The following C4orf51 variants were observed in gnomAD, a reference collection of about 807,000 sequenced individuals.
The protein encoded by C4orf51 is uncharacterized protein C4orf51.
C4orf51 carries 25 observed loss-of-function variants against 25.2 expected under a neutral mutation model. The ratio of observed to expected loss-of-function variants is 0.99; its 90% CI spans 0.72 to 1.39. The LOEUF (loss-of-function observed/expected upper bound fraction) is 1.39, where lower values mean the gene tolerates loss of function less well. C4orf51 is among the 40% of genes most tolerant of loss of function. The pLI is 0.00. For synonymous variants in C4orf51, 100 were observed against 84.5 expected (o/e 1.18, Z -1.01); for missense variants, 252 against 239.6 (o/e 1.05, Z -0.34).
chr4:145,723,790 TC>T (rs1334618031), intron 2 of C4orf51, among the ~76,000 whole-genome samples: 1 of 152,230 alleles, frequency 6.6e-6, no homozygotes, highest in Non-Finnish European at 1.5e-5. Flanking sequence ...ACATTAAATG[TC>T]CTTAAAAGGC....
At chr4:145,726,629 A>G (rs1318068571) in intron 2 of C4orf51, among the ~76,000 whole-genome samples, 3 of 150,924 alleles carry the variant, frequency 2.0e-5, no homozygotes, top group Non-Finnish European at 4.4e-5. Flanking sequence ...CTGGTCTTGA[A>G]CTCCTGGCCT....
Position 145,680,183 on chromosome 4 carries a change from C to A in C4orf51, c.-21C>A. 6.4e-7 allele frequency: 1 copy of A among 1,560,906 alleles called. No individual in the cohort carries two copies. Among genetic ancestry groups the A allele is most frequent in the South Asian group, 1.1e-5 (1 of 89,822 alleles). On this transcript the variant is annotated 5_prime_UTR_variant, in exon 1 of 6. Coordinates refer to ENST00000438731, the MANE Select transcript of C4orf51 (RefSeq NM_001080531.3). Reference sequence around the variant, plus strand: ...TGCAGAGGACTTGACAAGTTGTTTTCCAGAGAGGCCGTTCGTAGTTATGTC... The same window carrying A: ...TGCAGAGGACTTGACAAGTTGTTTTACAGAGAGGCCGTTCGTAGTTATGTC...
Position 145,765,144 on chromosome 4 carries a change from T to G in C4orf51, n.167-5844T>G. On this transcript the variant is annotated intron_variant and non_coding_transcript_variant, in intron 1 of 1. Coordinates refer to the C4orf51 transcript ENST00000510096. This position sits in a 1 kb window ranked among gnomAD's most constrained non-coding sequence, Gnocchi z 4.7. ...CATGTTCTTCGTCTTGCAGACAAAG[T>G]TGCAAAAAACACATTCGAACCCTGC... 6.2e-7 allele frequency: 1 copy of G among 1,612,482 alleles called. No homozygotes were observed. Among genetic ancestry groups the G allele is most frequent in the Non-Finnish European group, 8.5e-7 (1 of 1,179,268 alleles).
At chr4:145,748,495 T>A (rs915666230) in intron 1 of C4orf51, among the ~76,000 whole-genome samples, 4 of 152,122 alleles carry the variant, frequency 2.6e-5, no homozygotes, top group African/African-American at 4.8e-5. Flanking sequence ...TTACTTGAAG[T>A]TTTTCTTCTT....
intron 1 of C4orf51, among the ~76,000 whole-genome samples, chr4:145,686,252 G>A (rs1729145432): frequency 6.6e-6 from 1 of 152,148 alleles, no homozygotes; most frequent in South Asian, 2.1e-4. Context: ...CTAGGAAGAG[G>A]GGGAAATGGG....
In C4orf51 at chr4:145,762,325, A is replaced by C. The variant is rs1734647593; in HGVS notation, n.167-8663A>C. ...AAGCCCACCCAACGGCCCATCTGCT[A>C]ATGAGGAAGGGAGGAGGGAGGGAGA... On this transcript the variant is annotated intron_variant and non_coding_transcript_variant, in intron 1 of 1. Transcript: ENST00000510096. The surrounding 1 kb of genome is among the most constrained non-coding windows in gnomAD (Gnocchi z 4.9). 6.6e-6 allele frequency among the ~76,000 whole-genome samples: 1 copy of C among 152,164 alleles called. No homozygotes were observed. Among genetic ancestry groups the C allele is most frequent in the South Asian group, 2.1e-4 (1 of 4,832 alleles).
At chr4:145,694,064 C>G (rs374751278) in intron 1 of C4orf51, among the ~76,000 whole-genome samples, 1 of 105,666 alleles carries the variant, frequency 9.5e-6, no homozygotes, top group Admixed American at 9.6e-5. Context: ...ACCTCCCAGA[C>G]GGGGTCTCGG....
chr4:145,786,318 T>C, the C4orf51 span, among the ~76,000 whole-genome samples: 131 of 152,326 alleles, frequency 8.6e-4, 1 homozygote, highest in Non-Finnish European at 1.6e-3. Context: ...TCTCTCAACC[T>C]GATTTTGGTA....
At chr4:145,733,881 G>C (rs940102853), downstream of C4orf51, among the ~76,000 whole-genome samples, 1 of 152,174 alleles carries the variant, frequency 6.6e-6, no homozygotes, top group Non-Finnish European at 1.5e-5. Context: ...AAAGGCCTCT[G>C]TTTAGGTTCC....
intron 1 of C4orf51, among the ~76,000 whole-genome samples, chr4:145,687,466 A>C (rs1458967320): frequency 1.3e-5 from 2 of 152,204 alleles, no homozygotes; most frequent in Admixed American, 1.3e-4. Context: ...TTTCTAAATT[A>C]ACTGAGACAT....
chr4:145,773,170 T>C (rs970550733), downstream of C4orf51, among the ~76,000 whole-genome samples: 33 of 152,324 alleles, frequency 2.2e-4, no homozygotes, highest in African/African-American at 7.7e-4. Flanking sequence ...TTTTCCTCCA[T>C]TAGCCACTCC....
chr4:145,735,006 A>G (rs1191051208), downstream of C4orf51, among the ~76,000 whole-genome samples: 3 of 152,212 alleles, frequency 2.0e-5, no homozygotes, highest in Non-Finnish European at 2.9e-5. Context: ...GCACAAGGCC[A>G]TCCCTGGGAA....
the C4orf51 span, among the ~76,000 whole-genome samples, chr4:145,783,641 A>G: frequency 2.6e-5 from 4 of 152,218 alleles, no homozygotes; most frequent in African/African-American, 9.6e-5. Flanking sequence ...GCCATGTGCC[A>G]AAGTTCTGAG....
the C4orf51 span, chr4:145,779,310 C>T: frequency 1.7e-5 from 27 of 1,556,852 alleles, no homozygotes; most frequent in Non-Finnish European, 2.3e-5. Context: ...AACTCAGTTT[C>T]CGGAGAGTAA....
chr4:145,726,541 C>T (rs145020701), intron 2 of C4orf51, among the ~76,000 whole-genome samples: 6 of 152,144 alleles, frequency 3.9e-5, no homozygotes, highest in African/African-American at 1.4e-4. Flanking sequence ...AGCTGGAACC[C>T]CAGGAGCCAC....
At chr4:145,715,665 T>C (rs1731372432) in intron 2 of C4orf51, among the ~76,000 whole-genome samples, 1 of 152,152 alleles carries the variant, frequency 6.6e-6, no homozygotes, top group South Asian at 2.1e-4. Context: ...AATCCGTCCA[T>C]GGGGAAATGA....
intron 1 of C4orf51, among the ~76,000 whole-genome samples, chr4:145,693,656 AG>A (rs1668627320): frequency 1.9e-5 from 1 of 52,020 alleles, no homozygotes; most frequent in Non-Finnish European, 3.6e-5. Flanking sequence ...CTGGCCGGGC[AG>A]GGGGGCTGAC....
intron 1 of C4orf51, among the ~76,000 whole-genome samples, chr4:145,694,299 A>G (rs1729879956): frequency 6.9e-6 from 1 of 144,984 alleles, no homozygotes; most frequent in South Asian, 2.4e-4. Flanking sequence ...AGCCAGGCAG[A>G]GGGGCTCCTC....
chr4:145,729,468 AT>A (rs536020270), intron 4 of C4orf51, among the ~76,000 whole-genome samples: 3 of 151,006 alleles, frequency 2.0e-5, no homozygotes, highest in Non-Finnish European at 4.4e-5. Flanking sequence ...CACCCGGCTA[AT>A]TTTTTGTATT....
Sources: gnomAD v4.1 joint callset for allele counts (sites outside exome capture counted in the v4.1 genomes callset) on GRCh38, gnomAD v4.1.1 for gene constraint, Gnocchi (gnomAD v3.1) non-coding constraint, MANE v1.5 for transcripts, NCBI Gene and HGNC (gene_info 2026-07-23, HGNC 2026-07-21) for gene names.